The following COL20A1 variants were observed in gnomAD, a reference collection of about 807,000 sequenced individuals.
The protein encoded by COL20A1 is collagen type XX alpha 1 chain, also known as collagen alpha-1(XX) chain.
A neutral mutation model predicts 152.9 loss-of-function variants in COL20A1; 164 were observed. The observed-to-expected ratio is 1.07, with a 90% CI of 0.94 to 1.22. The LOEUF (loss-of-function observed/expected upper bound fraction) is 1.22, where lower values mean the gene tolerates loss of function less well. Ranked by LOEUF, COL20A1 falls within the 50% of genes most tolerant of loss-of-function variation. The pLI is 0.00. For missense variants in COL20A1, 1,873 were observed against 1,744.8 expected (o/e 1.07, Z -1.31); for synonymous variants, 864 against 756.0 (o/e 1.14, Z -2.34).
intron 20 of COL20A1, 56 bp from the exon 21 acceptor site, chr20:63,316,497 C>G (rs756880670): frequency 8.9e-5 from 134 of 1,513,282 alleles, no homozygotes; most frequent in Middle Eastern, 5.1e-4. Context: ...CCCTTCCTCC[C>G]TCCCCTGCCA....
intron 3 of COL20A1, among the ~76,000 whole-genome samples, chr20:63,303,396 A>G (rs1209246898): frequency 6.6e-6 from 1 of 152,128 alleles, no homozygotes. Context: ...CTTTTTCATT[A>G]TTGTCATTGC....
At chr20:63,324,413 T>G (rs1206082420) in intron 27 of COL20A1, 3 of 152,236 alleles carry the variant, frequency 2.0e-5, no homozygotes. Flanking sequence ...CAGAAGTGCT[T>G]CTAGCATTTG....
Position 63,305,588 on chromosome 20 carries a change from C to G in COL20A1, c.337+28C>G. On this transcript the variant is annotated intron_variant, in intron 4 of 35. Transcript: ENST00000358894. The surrounding 1 kb of genome is among the most constrained non-coding windows in gnomAD (Gnocchi z 4.9). ...AAGTCCACCGTCTGCCAGCTGGGTA[C>G]CCACTCCTCCAGGCCGGGTCCCACC... The G allele has an allele frequency of 1.3e-6, 2 of 1,567,572 alleles. No homozygotes were observed. The highest frequency in any genetic ancestry group is 1.7e-6 in the Non-Finnish European group (2 of 1,158,818).
In COL20A1 at chr20:63,307,956, G is replaced by T. The variant is rs573181411; in HGVS notation, c.656-15G>T. 6.2e-7 allele frequency: 1 copy of T among 1,611,124 alleles called. No homozygotes were observed. Among genetic ancestry groups the T allele is most frequent in the East Asian group, 2.2e-5 (1 of 44,834 alleles). On this transcript the variant is annotated splice_polypyrimidine_tract_variant and intron_variant, in intron 6 of 35. Transcript: ENST00000358894. ...CATTGGAAACTCAGCCCGTGGCCAT[G>T]CCCCTGCTCCCCAGGCCTGACTCAG...
chr20:63,326,909 C>A, intron 31 of COL20A1, 86 bp downstream of exon 31: 1 of 921,972 alleles, frequency 1.1e-6, no homozygotes. Context: ...CAGGGACTTC[C>A]TACTGACAGC....
intron 34 of COL20A1, 46 bp downstream of exon 34, chr20:63,328,544 G>A (rs1347336294): frequency 1.3e-6 from 2 of 1,553,084 alleles, no homozygotes; most frequent in East Asian, 4.5e-5. Context: ...GCCGGTGGGG[G>A]CGCCGGTTGT....
intron 8 of COL20A1, 48 bp downstream of exon 8, chr20:63,308,754 G>A (rs2067964677): frequency 2.0e-6 from 3 of 1,489,594 alleles, no homozygotes; most frequent in Non-Finnish European, 2.7e-6. Context: ...CCGCCGGGTG[G>A]GTTTAGGGTC....
intron 30 of COL20A1, 24 bp downstream of exon 30, chr20:63,326,173 C>A: frequency 6.3e-7 from 1 of 1,589,946 alleles, no homozygotes; most frequent in Non-Finnish European, 8.6e-7. Flanking sequence ...TCCCATGACC[C>A]CGACCCCCAC....
At chr20:63,315,275 C>A in intron 19 of COL20A1, 129 bp from the exon 20 acceptor site, 3 of 927,162 alleles carry the variant, frequency 3.2e-6, no homozygotes, top group South Asian at 1.4e-5. Flanking sequence ...TGGGACATAG[C>A]ACAGTCCCAC....
At chr20:63,326,964 C>A in intron 31 of COL20A1, 141 bp downstream of exon 31, 1 of 547,840 alleles carries the variant, frequency 1.8e-6, no homozygotes, top group Non-Finnish European at 3.1e-6. Context: ...TGTTGACAGC[C>A]CACAGACTTC....
intron 35 of COL20A1, among the ~76,000 whole-genome samples, chr20:63,330,463 A>T (rs1306483169): frequency 6.6e-6 from 1 of 152,130 alleles, no homozygotes; most frequent in African/African-American, 2.4e-5. Context: ...ATCAGGTCAG[A>T]GCCCAGGGCT....
chr20:63,309,280 C>A, intron 8 of COL20A1, 53 bp from the exon 9 acceptor site: 1 of 1,351,418 alleles, frequency 7.4e-7, no homozygotes, highest in Non-Finnish European at 9.6e-7. Context: ...CCGCAGGTGG[C>A]CCCGTCGGGT....
chr20:63,317,025 T>G (rs2068093674), intron 21 of COL20A1, among the ~76,000 whole-genome samples: 1 of 152,248 alleles, frequency 6.6e-6, no homozygotes, highest in African/African-American at 2.4e-5. Context: ...AAACTGCCAG[T>G]AGCCGGATTT....
intron 1 of COL20A1, 33 bp from the exon 2 acceptor site, chr20:63,295,065 C>A (rs373759197): frequency 1.4e-6 from 2 of 1,400,856 alleles, no homozygotes; most frequent in East Asian, 2.5e-5. Flanking sequence ...GACGGGGGGA[C>A]GGCTGAAGGG....
rs1264718373 is a variant in COL20A1, at chr20:63,334,686, A to T, written c.*3970A>T. On this transcript the variant is annotated 3_prime_UTR_variant, in exon 36 of 36. Transcript: ENST00000358894. ...CGATCCACCCTCCTTGGCCTCCCAA[A>T]GTGGTGGGATTACAGGTGTGAGTCA... The T allele has an allele frequency of 6.6e-6, 1 of 152,226 alleles. No homozygotes were observed. The highest frequency in any genetic ancestry group is 1.5e-5 in the Non-Finnish European group (1 of 68,042). 9.4% of individuals were successfully genotyped at this position (152,226 alleles called of 1,614,324 possible). A position where few individuals can be genotyped will look rare whatever the true frequency, so the allele number is the denominator to read the frequency against.
At position 63,331,672 on chromosome 20, in the gene COL20A1, T is replaced by C. The variant is rs1219081508; in HGVS notation, c.*956T>C. 1 of 152,248 alleles carries C rather than the reference T, an allele frequency of 6.6e-6. No individual in the cohort carries two copies. The highest frequency in any genetic ancestry group is 1.9e-4 in the East Asian group (1 of 5,194). 9.4% of individuals were successfully genotyped at this position (152,248 alleles called of 1,614,324 possible). On this transcript the variant is annotated 3_prime_UTR_variant, in exon 36 of 36. Transcript: ENST00000358894. ...CCCGTGGGGGTGATGTGGGAACTTCTACTTCCTTTCCAAACAAATATTCAG... is the reference window on the plus strand; with the variant it reads ...CCCGTGGGGGTGATGTGGGAACTTCCACTTCCTTTCCAAACAAATATTCAG...
chr20:63,325,656 G>T lies in COL20A1; in HGVS notation c.3349-12G>T. Reference sequence around the variant, plus strand: ...TGGCCCCTGCCTGGCCGGCCCCTCTGTTCTCTCCCAGGGCCACCCCGGCCA... The same window carrying T: ...TGGCCCCTGCCTGGCCGGCCCCTCTTTTCTCTCCCAGGGCCACCCCGGCCA... On this transcript the variant is annotated splice_polypyrimidine_tract_variant and intron_variant, in intron 28 of 35. Coordinates refer to ENST00000358894, the MANE Select transcript of COL20A1 (RefSeq NM_020882.4). 1 of 1,605,894 alleles carries T rather than the reference G, an allele frequency of 6.2e-7. No homozygotes were observed. Among genetic ancestry groups the T allele is most frequent in the Non-Finnish European group, 8.5e-7 (1 of 1,177,432 alleles).
chr20:63,325,155 C>G, intron 27 of COL20A1: 1 of 583,350 alleles, frequency 1.7e-6, no homozygotes, highest in South Asian at 1.7e-5. Flanking sequence ...GTCTCCATGT[C>G]GGTCTGGGTC....
At chr20:63,307,394 C>G (rs1425559131) in intron 5 of COL20A1, 96 bp from the exon 6 acceptor site, 1 of 1,230,886 alleles carries the variant, frequency 8.1e-7, no homozygotes, top group Non-Finnish European at 1.1e-6. Context: ...CCCAGCCTGC[C>G]TCACTCTTGT....
Sources: gnomAD v4.1 joint callset for allele counts (sites outside exome capture counted in the v4.1 genomes callset) on GRCh38, gnomAD v4.1.1 for gene constraint, Gnocchi (gnomAD v3.1) non-coding constraint, MANE v1.5 for transcripts, NCBI Gene and HGNC (gene_info 2026-07-23, HGNC 2026-07-21) for gene names.